Variants in HMCN1 observed in about 807,000 individuals in gnomAD.
The protein encoded by HMCN1 is hemicentin 1.
In HMCN1, 321 loss-of-function variants were observed where a neutral mutation model predicts 625.9. The ratio of observed to expected loss-of-function variants is 0.51; its 90% CI spans 0.47 to 0.56. The LOEUF is 0.56. Ranked by LOEUF, HMCN1 falls within the 20% of genes least tolerant of loss-of-function variation. The pLI, the probability that HMCN1 is intolerant of heterozygous loss-of-function variation, is 0.00. For synonymous variants in HMCN1, 2,425 were observed against 2,417.6 expected, an observed-to-expected ratio of 1.00 and a Z score of -0.09; for missense variants, 6,588 against 6,887.3, an observed-to-expected ratio of 0.96 and a Z score of 1.54.
At chr1:185,899,140 C>A (rs1665660588) in intron 4 of HMCN1, among the ~76,000 whole-genome samples, 2 of 152,128 alleles carry the variant, frequency 1.3e-5, no homozygotes, top group Admixed American at 6.6e-5. Context: ...ACCATTATCT[C>A]CCTCAACTTC....
intron 51 of HMCN1, 143 bp downstream of exon 51, chr1:186,069,919 T>C (rs1658380791): frequency 2.9e-6 from 2 of 688,126 alleles, no homozygotes; most frequent in South Asian, 1.6e-5. Flanking sequence ...AGGATGGAAG[T>C]TGAATTAAGC....
At position 185,927,403 on chromosome 1, in the gene HMCN1, T is replaced by G. The variant is rs572528593; in HGVS notation, c.1431-1143T>G. Among the ~76,000 whole-genome samples, 11 of 152,262 alleles carry G rather than the reference T, an allele frequency of 7.2e-5. No individual in the cohort carries two copies. The South Asian group carries it at 1.2e-3, about 17-fold the overall frequency. The stretch of plus-strand genomic sequence containing the variant: ...AAAGTGACAAGAAGAACCACTGGCA[T>G]GTAGTGCCTACAGAATTGAAAGGAA... On this transcript the variant is annotated intron_variant, in intron 9 of 106. Transcript: ENST00000271588.
At chr1:186,087,147 T>C (rs1659546819) in intron 58 of HMCN1, 70 bp from the exon 59 acceptor site, 8 of 928,922 alleles carry the variant, frequency 8.6e-6, no homozygotes, top group Admixed American at 1.7e-5. Context: ...TTGCTATTTA[T>C]CTGATTGGTA....
chr1:185,944,929 T>C (rs1048809823), intron 11 of HMCN1, among the ~76,000 whole-genome samples: 1 of 152,234 alleles, frequency 6.6e-6, no homozygotes, highest in South Asian at 2.1e-4. Context: ...TAAAAAATTT[T>C]GGTTCAAATT....
chr1:186,167,977 A>ATGTC (rs1219610492), intron 100 of HMCN1, among the ~76,000 whole-genome samples: 1 of 152,106 alleles, frequency 6.6e-6, no homozygotes, highest in East Asian at 1.9e-4. Context: ...CCAAAACTGA[A>ATGTC]TGTCTATCAA....
intron 24 of HMCN1, among the ~76,000 whole-genome samples, chr1:185,995,897 G>A (rs1261780578): frequency 6.6e-6 from 1 of 152,078 alleles, no homozygotes; most frequent in Non-Finnish European, 1.5e-5. Flanking sequence ...ATGGTATTTA[G>A]CACAGTATTA....
intron 1 of HMCN1, among the ~76,000 whole-genome samples, chr1:185,745,325 T>TA (rs1654315817): frequency 6.6e-6 from 1 of 152,206 alleles, no homozygotes; most frequent in Non-Finnish European, 1.5e-5. Context: ...TATACTTGAA[T>TA]AACCAGCCCA....
At chr1:185,841,667 G>A (rs961752570) in intron 1 of HMCN1, among the ~76,000 whole-genome samples, 4 of 152,194 alleles carry the variant, frequency 2.6e-5, no homozygotes, top group African/African-American at 9.7e-5. Context: ...TATGATTAAA[G>A]CAATCAGGCA....
At chr1:185,796,888 A>G (rs1417593689) in intron 1 of HMCN1, among the ~76,000 whole-genome samples, 1 of 152,210 alleles carries the variant, frequency 6.6e-6, no homozygotes, top group Non-Finnish European at 1.5e-5. Context: ...ATCAAACGGT[A>G]GATCTATTTT....
intron 80 of HMCN1, among the ~76,000 whole-genome samples, chr1:186,120,528 A>G (rs1272177139): frequency 6.6e-6 from 1 of 152,210 alleles, no homozygotes; most frequent in African/African-American, 2.4e-5. Context: ...AGTTAAACCA[A>G]CTTGATGGAA....
intron 55 of HMCN1, among the ~76,000 whole-genome samples, chr1:186,080,830 C>CT (rs1242769469): frequency 4.0e-5 from 6 of 151,706 alleles, no homozygotes; most frequent in Admixed American, 3.9e-4. Flanking sequence ...TCTGGATGAC[C>CT]ATATAGACTT....
chr1:185,748,761 T>C (rs1439526658), intron 1 of HMCN1, among the ~76,000 whole-genome samples: 1 of 152,188 alleles, frequency 6.6e-6, no homozygotes, highest in African/African-American at 2.4e-5. Flanking sequence ...ATAACAATCA[T>C]ACTTCCTTTG....
At chr1:186,145,030 A>G (rs1650224543) in intron 91 of HMCN1, among the ~76,000 whole-genome samples, 1 of 152,228 alleles carries the variant, frequency 6.6e-6, no homozygotes, top group Non-Finnish European at 1.5e-5. Context: ...GCCGTCATCA[A>G]CCTGGATTTT....
intron 2 of HMCN1, among the ~76,000 whole-genome samples, chr1:185,861,345 C>A (rs186790775): frequency 3.3e-5 from 5 of 152,260 alleles, no homozygotes; most frequent in Non-Finnish European, 7.3e-5. Context: ...ACACACATGA[C>A]AATTAGTAAA....
intron 13 of HMCN1, among the ~76,000 whole-genome samples, chr1:185,964,768 T>C (rs562991429): frequency 2.0e-5 from 3 of 152,064 alleles, no homozygotes; most frequent in African/African-American, 7.2e-5. Context: ...GGAGACAGGA[T>C]TTAGGCTCAG....
At chr1:185,951,657 C>T (rs919507295) in intron 11 of HMCN1, among the ~76,000 whole-genome samples, 1 of 151,758 alleles carries the variant, frequency 6.6e-6, no homozygotes, top group Non-Finnish European at 1.5e-5. Context: ...GTGAGTTGAA[C>T]AGTCCGATTT....
chr1:185,937,917 A>G (rs189843529), intron 11 of HMCN1, among the ~76,000 whole-genome samples: 16 of 146,550 alleles, frequency 1.1e-4, no homozygotes, highest in Admixed American at 7.5e-4. Context: ...AATAATAATA[A>G]TAATAGTAAT....
At chr1:186,038,136 G>C in intron 37 of HMCN1, 101 bp downstream of exon 37, 3 of 757,470 alleles carry the variant, frequency 4.0e-6, no homozygotes, top group South Asian at 1.5e-5. Flanking sequence ...TAAAGAACAG[G>C]TTATAGAATA....
Position 185,994,897 on chromosome 1 carries a change from G to A in HMCN1, c.3588G>A (p.Gly1196=). Residue 1196 remains glycine (G), a synonymous_variant, in exon 24 of 107, where the codon GGG becomes GGA. Transcript: ENST00000271588. The part of the protein sequence containing the change: ...QRVDIPCNAQ[G]TPLPVITWSK... The stretch of plus-strand genomic sequence containing the variant: ...TGGATATTCCATGTAATGCTCAAGG[G>A]ACTCCTCTTCCTGTAATCACCTGGT... 6.2e-7 allele frequency: 1 copy of A among 1,613,774 alleles called. No individual in the cohort carries two copies.
Sources: allele counts gnomAD v4.1 joint callset (sites outside exome capture counted in the v4.1 genomes callset), GRCh38; gene constraint gnomAD v4.1.1; transcripts MANE v1.5; gene names NCBI Gene and HGNC (gene_info 2026-07-23, HGNC 2026-07-21).